Variants in CHL1 observed in about 807,000 individuals in gnomAD.
CHL1 encodes the protein cell adhesion molecule L1 like, also known as neural cell adhesion molecule L1-like protein.
Under a neutral mutation model 141.9 loss-of-function variants are expected in CHL1, and 96 were observed. That is an observed-to-expected ratio of 0.68 (90% CI 0.57 to 0.80). The LOEUF (loss-of-function observed/expected upper bound fraction) is 0.80. Ranked by LOEUF, CHL1 falls within the 30% of genes least tolerant of loss-of-function variation. The pLI is 0.00. For missense variants in CHL1, 1,820 were observed against 1,457.2 expected, an observed-to-expected ratio of 1.25 and a Z score of -4.05; for synonymous variants, 613 against 502.2, an observed-to-expected ratio of 1.22 and a Z score of -2.95.
chr3:369,438 C>A (rs1705338505), intron 15 of CHL1, among the ~76,000 whole-genome samples: 1 of 152,146 alleles, frequency 6.6e-6, no homozygotes, highest in Non-Finnish European at 1.5e-5. Context: ...GTGATTTTTG[C>A]ACATTGATTT....
chr3:373,240 AC>A (rs1381754412), intron 15 of CHL1, among the ~76,000 whole-genome samples: 1 of 152,052 alleles, frequency 6.6e-6, no homozygotes, highest in African/African-American at 2.4e-5. Context: ...GACCATGGCC[AC>A]CCCTCCCCCT....
At chr3:403,672 C>A (rs1307330987) in intron 27 of CHL1, among the ~76,000 whole-genome samples, 3 of 152,180 alleles carry the variant, frequency 2.0e-5, no homozygotes, top group African/African-American at 4.8e-5. Context: ...TCCCCACACC[C>A]TGCTGCTCCT....
At chr3:197,869 TCG>T in intron 1 of CHL1, 1 of 374,720 alleles carries the variant, frequency 2.7e-6, no homozygotes, top group Admixed American at 3.8e-5. Flanking sequence ...TCTCTTTCTC[TCG>T]CTTTTTTTTT....
At chr3:392,324 A>T (rs17037301) in intron 23 of CHL1, among the ~76,000 whole-genome samples, 2,132 of 152,296 alleles carry the variant, frequency 0.014, 41 homozygotes, top group African/African-American at 0.048. Context: ...CCCAGACTCA[A>T]TCCTAAATAT....
intron 2 of CHL1, among the ~76,000 whole-genome samples, chr3:313,517 G>T (rs188607500): frequency 6.6e-6 from 1 of 152,020 alleles, no homozygotes; most frequent in Non-Finnish European, 1.5e-5. Context: ...GAGAACCATA[G>T]TGCCAAAGGT....
intron 1 of CHL1, among the ~76,000 whole-genome samples, chr3:233,526 A>G (rs1691620653): frequency 6.6e-6 from 1 of 152,174 alleles, no homozygotes; most frequent in African/African-American, 2.4e-5. Context: ...TTAAAAATAT[A>G]TCTATTACAT....
At chr3:257,464 C>G (rs1273332933) in intron 2 of CHL1, among the ~76,000 whole-genome samples, 1 of 151,930 alleles carries the variant, frequency 6.6e-6, no homozygotes, top group Non-Finnish European at 1.5e-5. Context: ...AGCAATTCCC[C>G]TGCCTCAGCC....
At chr3:396,569 A>C (rs942504281) in intron 24 of CHL1, among the ~76,000 whole-genome samples, 9 of 152,178 alleles carry the variant, frequency 5.9e-5, no homozygotes, top group Admixed American at 6.5e-5. Context: ...AGTGCTGTTC[A>C]TGTGATTTTA....
At chr3:218,590 A>G (rs897945205) in intron 1 of CHL1, among the ~76,000 whole-genome samples, 8 of 152,198 alleles carry the variant, frequency 5.3e-5, no homozygotes, top group Admixed American at 4.6e-4. Flanking sequence ...CCATATATTG[A>G]TGATGTCAAG....
chr3:278,002 G>A (rs755576326), intron 2 of CHL1, among the ~76,000 whole-genome samples: 11 of 152,198 alleles, frequency 7.2e-5, no homozygotes, highest in Admixed American at 1.3e-4. Context: ...GCAGGAATGT[G>A]GAGTGTGTTT....
chr3:254,069 A>G (rs980180214), intron 2 of CHL1, among the ~76,000 whole-genome samples: 1 of 152,170 alleles, frequency 6.6e-6, no homozygotes, highest in African/African-American at 2.4e-5. Context: ...ACCTTTGAGA[A>G]CCAGCTGCTT....
chr3:353,909 A>G (rs1703480002), intron 10 of CHL1, among the ~76,000 whole-genome samples: 1 of 152,212 alleles, frequency 6.6e-6, no homozygotes, highest in South Asian at 2.1e-4. Flanking sequence ...TCATGAAGTT[A>G]TAAAACATAG....
At chr3:299,719 G>C (rs535225410) in intron 2 of CHL1, among the ~76,000 whole-genome samples, 1 of 152,108 alleles carries the variant, frequency 6.6e-6, no homozygotes, top group East Asian at 1.9e-4. Context: ...AGCTCCCCTA[G>C]GCTTCGAAGC....
At chr3:263,649 G>T (rs1694919909) in intron 2 of CHL1, among the ~76,000 whole-genome samples, 1 of 152,104 alleles carries the variant, frequency 6.6e-6, no homozygotes, top group Non-Finnish European at 1.5e-5. Context: ...TCACATAATT[G>T]ATGTAGAGTG....
At chr3:404,716 G>T (rs1270576672) in intron 27 of CHL1, among the ~76,000 whole-genome samples, 5 of 152,136 alleles carry the variant, frequency 3.3e-5, no homozygotes, top group Non-Finnish European at 7.4e-5. Flanking sequence ...GGATATAAGA[G>T]AATCAAAAGG....
chr3:398,165 T>A (rs958246765), intron 24 of CHL1, 62 bp from the exon 25 acceptor site: 6 of 1,200,834 alleles, frequency 5.0e-6, no homozygotes, highest in Non-Finnish European at 6.8e-6. Flanking sequence ...ACAACAATAT[T>A]TTTTTATGTC....
intron 16 of CHL1, among the ~76,000 whole-genome samples, chr3:378,945 G>A (rs1161985672): frequency 6.6e-6 from 1 of 152,130 alleles, no homozygotes; most frequent in African/African-American, 2.4e-5. Flanking sequence ...TTTCTGCAGG[G>A]ACCCTAACAG....
chr3:234,895 T>A (rs914045086), intron 1 of CHL1, among the ~76,000 whole-genome samples: 1 of 152,196 alleles, frequency 6.6e-6, no homozygotes, highest in Non-Finnish European at 1.5e-5. Flanking sequence ...AATAGTGATG[T>A]TAACATCTTT....
At chr3:358,201 T>A (rs1280826642) in intron 11 of CHL1, among the ~76,000 whole-genome samples, 1 of 152,134 alleles carries the variant, frequency 6.6e-6, no homozygotes, top group Non-Finnish European at 1.5e-5. Context: ...TGGAAGTGCT[T>A]GGAGAGCATT....
Sources: gnomAD v4.1 joint callset for allele counts (sites outside exome capture counted in the v4.1 genomes callset) on GRCh38, gnomAD v4.1.1 for gene constraint, MANE v1.5 for transcripts, NCBI Gene and HGNC (gene_info 2026-07-23, HGNC 2026-07-21) for gene names.